The following AMN variants were observed in gnomAD, a reference collection of about 807,000 sequenced individuals.
AMN encodes protein amnionless.
Under a neutral mutation model 49.1 loss-of-function variants are expected in AMN, and 40 were observed. The ratio of observed to expected loss-of-function variants is 0.81; its 90% CI spans 0.63 to 1.06. The LOEUF (loss-of-function observed/expected upper bound fraction) is 1.06. Among genes scored for constraint, AMN ranks in the 50% least tolerant of loss-of-function variants. The probability of loss-of-function intolerance (pLI) is 0.00; values close to 1 mark genes in which losing one functional copy is unlikely to be tolerated. For synonymous variants in AMN, 380 were observed against 313.3 expected, an observed-to-expected ratio of 1.21 and a Z score of -2.25; for missense variants, 701 against 662.8, an observed-to-expected ratio of 1.06 and a Z score of -0.63.
chr14:102,922,900 C>A, intron 1 of AMN, 169 bp downstream of exon 1: 1 of 985,412 alleles, frequency 1.0e-6, no homozygotes, highest in Non-Finnish European at 1.5e-6. Flanking sequence ...CTGGCGAGTG[C>A]GCAGCCCGGA....
chr14:102,929,468 G>A lies in AMN; in HGVS notation c.692G>A (p.Gly231Asp). ...TGCGCGGCCCTGCTCCAGCCCCTGG[G>A]CGGCCGCTGCCCCCAGGCCGCCTGC... ...WICAALLQPL[G>D]GRCPQAACHS... Residue 231 changes from glycine to aspartate, a missense_variant, in exon 7 of 12, where the codon GGC becomes GAC. Coordinates refer to ENST00000299155, the MANE Select transcript of AMN (RefSeq NM_030943.4). The A allele has an allele frequency of 6.5e-7, 1 of 1,531,438 alleles. No homozygotes were observed. The highest frequency in any genetic ancestry group is 8.7e-7 in the Non-Finnish European group (1 of 1,145,194). 94.9% of individuals were successfully genotyped at this position (1,531,438 alleles called of 1,614,324 possible).
Position 102,923,829 on chromosome 14 carries a change from G to A in AMN, c.162G>A (p.Lys54=), listed in dbSNP as rs1192509736. ...GCGCCGTTGAGTTCCCGGCGGACAAGGTGCCTGGGAGCGCCGGCGGGGTCG... is the reference window on the plus strand; with the variant it reads ...GCGCCGTTGAGTTCCCGGCGGACAAAGTGCCTGGGAGCGCCGGCGGGGTCG... The part of the protein sequence containing the change: ...AGGAVEFPAD[K]MVSVLVQEGH... The change falls in exon 2 of 12, where the codon AAG becomes AAA. Residue 54 remains lysine, a splice_region_variant and synonymous_variant. Transcript: ENST00000299155. 2 of 1,612,540 alleles carry A rather than the reference G, an allele frequency of 1.2e-6. No homozygotes were observed. The highest frequency in any genetic ancestry group is 1.7e-6 in the Non-Finnish European group (2 of 1,179,770).
At chr14:102,930,528 G>T in intron 11 of AMN, 35 bp downstream of exon 11, 2 of 1,543,606 alleles carry the variant, frequency 1.3e-6, no homozygotes, top group Non-Finnish European at 1.7e-6. Flanking sequence ...GGGCCTCCTC[G>T]GGGCCGGGAC....
chr14:102,924,722 T>C (rs1449611294), intron 3 of AMN, among the ~76,000 whole-genome samples: 1 of 151,752 alleles, frequency 6.6e-6, no homozygotes, highest in Non-Finnish European at 1.5e-5. Flanking sequence ...GTTCCATGAG[T>C]AGGTAAGTTT....
At chr14:102,929,596 C>T (rs1891283314) in intron 7 of AMN, 59 bp from the exon 8 acceptor site, 2 of 1,546,856 alleles carry the variant, frequency 1.3e-6, no homozygotes, top group South Asian at 1.2e-5. Flanking sequence ...GTTCGTCCCC[C>T]GCCTCAGTTT....
rs1891341648 is a variant in AMN at position 102,930,788 on chromosome 14, C to G, written c.*108C>G. 7.9e-7 allele frequency: 1 copy of G among 1,265,810 alleles called. No individual in the cohort carries two copies. The highest frequency in any genetic ancestry group is 1.5e-5 in the African/African-American group (1 of 67,578). The allele number at this position is 1,265,810 out of a possible 1,614,324, so 78.4% of individuals were successfully genotyped here. On this transcript the variant is annotated 3_prime_UTR_variant, in exon 12 of 12. Transcript: ENST00000299155. ...CCCCCAAACCTCCCCTTCCTTTCCC[C>G]CTCCTCCGGGGGCCAAGGACAGGGT...
intron 3 of AMN, 83 bp from the exon 4 acceptor site, chr14:102,928,343 C>A (rs1043838944): frequency 7.7e-6 from 10 of 1,303,090 alleles, no homozygotes; most frequent in Admixed American, 2.0e-5. Context: ...CTCGGCTTCT[C>A]GTCCCAGGGG....
chr14:102,930,538 C>T, intron 11 of AMN, 38 bp from the exon 12 acceptor site: 1 of 1,546,674 alleles, frequency 6.5e-7, no homozygotes, highest in African/African-American at 1.4e-5. Flanking sequence ...GGGGCCGGGA[C>T]TCGGCGCCGA....
In AMN at chr14:102,930,300, C is replaced by CGCT. The variant is rs1401465126; in HGVS notation, c.1148_1150dup (p.Leu383dup). On this transcript the variant is annotated inframe_insertion, in exon 10 of 12. Transcript: ENST00000299155. ...CTGCTGGTCCTGCTGGTGGCGCCGC[C>CGCT]GCTGCTGCGCCGCGCGGGGAGGCTC... The CGCT allele has an allele frequency of 1.5e-6, 2 of 1,365,358 alleles. No individual in the cohort carries two copies. The highest frequency in any genetic ancestry group is 1.5e-5 in the African/African-American group (1 of 65,302). 84.6% of individuals were successfully genotyped at this position (1,365,358 alleles called of 1,614,324 possible).
chr14:102,929,079 T>C (rs1287942351), intron 5 of AMN, 42 bp from the exon 6 acceptor site: 9 of 1,597,416 alleles, frequency 5.6e-6, no homozygotes, highest in South Asian at 1.1e-5. Context: ...AGGTGAAGTC[T>C]CTTCCTCGGG....
rs1333839406 is a variant in AMN, at chr14:102,930,654, T to A, written c.1336T>A (p.Phe446Ile). 6.3e-7 allele frequency: 1 copy of A among 1,595,024 alleles called. No individual in the cohort carries two copies. Among genetic ancestry groups the A allele is most frequent in the Non-Finnish European group, 8.5e-7 (1 of 1,172,506 alleles). The stretch of plus-strand genomic sequence containing the variant: ...CCACAGTTACTTCGTCAACCCTCTG[T>A]TCGCCGGGGCCGAGGCCGAGGCCTG... ...TSHSYFVNPLFAGAEAEA is the reference protein window; with the variant it reads ...TSHSYFVNPLIAGAEAEA Residue 446 changes from phenylalanine to isoleucine, a missense_variant, in exon 12 of 12, where the codon TTC (phenylalanine) becomes ATC (isoleucine). Transcript: ENST00000299155.
chr14:102,926,038 T>C (rs887436214), intron 3 of AMN, among the ~76,000 whole-genome samples: 5 of 152,218 alleles, frequency 3.3e-5, no homozygotes, highest in South Asian at 2.1e-4. Context: ...TGCTTTCTTG[T>C]TGGGGGAGTC....
rs1251087774 is a variant in AMN at position 102,924,662 on chromosome 14, C to T, written c.207+683C>T. 2.0e-5 allele frequency among the ~76,000 whole-genome samples: 3 copies of T among 152,212 alleles called. No individual in the cohort carries two copies. The East Asian group carries it at 5.8e-4, about 29-fold the overall frequency. ...TGCCCTAGGGGACCTTTTTCTCAAA[C>T]TGCTTCACACAACACTCCAAGAACA... is the stretch of plus-strand genomic sequence containing the variant. On this transcript the variant is annotated intron_variant, in intron 3 of 11. Transcript: ENST00000299155.
chr14:102,928,170 T>C (rs1430961936), intron 3 of AMN, among the ~76,000 whole-genome samples: 1 of 152,212 alleles, frequency 6.6e-6, no homozygotes, highest in Non-Finnish European at 1.5e-5. Flanking sequence ...GCCCCTGGCC[T>C]GTGAGACCTC....
chr14:102,922,980 G>A (rs1159177627), intron 1 of AMN: 4 of 527,472 alleles, frequency 7.6e-6, no homozygotes, highest in Admixed American at 3.6e-5. Flanking sequence ...GGCCAGCCCC[G>A]GCCTCCGGCG....
chr14:102,929,646 C>T lies in AMN; in HGVS notation c.761-9C>T, dbSNP rs1277026572. ...ATCCACGGCGCTGACCCCTGCCCTC[C>T]CGCCGCAGGAGCCGTTGTGTTGCTG... On this transcript the variant is annotated splice_polypyrimidine_tract_variant and intron_variant, in intron 7 of 11. Transcript: ENST00000299155. 6.5e-7 allele frequency: 1 copy of T among 1,549,070 alleles called. No individual in the cohort carries two copies. The highest frequency in any genetic ancestry group is 8.7e-7 in the Non-Finnish European group (1 of 1,146,854).
intron 1 of AMN, chr14:102,923,450 G>C: frequency 4.0e-6 from 2 of 498,530 alleles, no homozygotes; most frequent in South Asian, 4.0e-5. Flanking sequence ...AGTGCCGGGA[G>C]GCTATCTAGG....
chr14:102,929,891 G>A (rs1472652404), intron 8 of AMN, 33 bp from the exon 9 acceptor site: 4 of 1,550,078 alleles, frequency 2.6e-6, no homozygotes, highest in East Asian at 4.9e-5. Context: ...AGGGCGGGGG[G>A]CTGAGTCAAA....
chr14:102,930,234 C>G lies in AMN; in HGVS notation c.1076C>G (p.Ala359Gly), dbSNP rs951121314. Residue 359 changes from alanine (A) to glycine (G), a missense_variant, in exon 10 of 12, where the codon GCT becomes GGT. By Grantham distance (60) the Ala-to-Gly change is moderately conservative. Coordinates refer to ENST00000299155, the MANE Select transcript of AMN (RefSeq NM_030943.4). ...SGAHVWGSSA[A>G]GLAGGVAAAV... ...GCACACGTCTGGGGCAGCTCCGCGG[C>G]TGGGCTGGCGGGCGGCGTGGCGGCT... The G allele has an allele frequency of 4.3e-6, 6 of 1,395,148 alleles. No homozygotes were observed. The highest frequency in any genetic ancestry group is 5.6e-6 in the Non-Finnish European group (6 of 1,077,438). 86.4% of individuals were successfully genotyped at this position (1,395,148 alleles called of 1,614,324 possible).
Sources: allele counts gnomAD v4.1 joint callset (sites outside exome capture counted in the v4.1 genomes callset), GRCh38; gene constraint gnomAD v4.1.1; transcripts MANE v1.5; gene names NCBI Gene and HGNC (gene_info 2026-07-23, HGNC 2026-07-21).